Variants in CACNA1E observed in about 807,000 individuals in gnomAD.
CACNA1E encodes voltage-dependent R-type calcium channel subunit alpha-1E.
In CACNA1E, 40 loss-of-function variants were observed where a neutral mutation model predicts 259.2. The observed-to-expected ratio is 0.15, with a 90% confidence interval of 0.12 to 0.20. CACNA1E has a LOEUF of 0.20. Among genes scored for constraint, CACNA1E ranks in the 10% least tolerant of loss-of-function variants. The pLI, the probability that CACNA1E is intolerant of heterozygous loss-of-function variation, is 1.00. For missense variants in CACNA1E, 1,874 were observed against 3,040.1 expected, an observed-to-expected ratio of 0.62 and a Z score of 9.02; for synonymous variants, 1,104 against 1,138.5, an observed-to-expected ratio of 0.97 and a Z score of 0.61.
intron 1 of CACNA1E, among the ~76,000 whole-genome samples, chr1:181,503,437 G>A (rs1379998058): frequency 1.3e-5 from 2 of 152,214 alleles, no homozygotes; most frequent in Non-Finnish European, 2.9e-5. Context: ...GGGGACTGGT[G>A]TTTGGATGCG....
At chr1:181,499,289 A>T (rs1181239603) in intron 1 of CACNA1E, among the ~76,000 whole-genome samples, 2 of 152,152 alleles carry the variant, frequency 1.3e-5, no homozygotes, top group African/African-American at 2.4e-5. Flanking sequence ...ACAATTGAGT[A>T]CTCCTGGGAA....
intron 2 of CACNA1E, among the ~76,000 whole-genome samples, chr1:181,446,808 G>A (rs1250055168): frequency 6.6e-6 from 1 of 152,062 alleles, no homozygotes; most frequent in African/African-American, 2.4e-5. Context: ...CTGGTGGCTG[G>A]TGGGGCTGTG....
intron 2 of CACNA1E, among the ~76,000 whole-genome samples, chr1:181,444,738 C>G (rs1453987370): frequency 6.6e-6 from 1 of 152,202 alleles, no homozygotes; most frequent in East Asian, 1.9e-4. Flanking sequence ...GCTGATTCAT[C>G]TGCTGATTCA....
At chr1:181,688,285 T>C (rs1650787550) in intron 7 of CACNA1E, among the ~76,000 whole-genome samples, 1 of 152,234 alleles carries the variant, frequency 6.6e-6, no homozygotes, top group African/African-American at 2.4e-5. Flanking sequence ...GTTATATGAA[T>C]TGTAAAATAC....
chr1:181,586,630 A>G (rs182006543), intron 6 of CACNA1E, among the ~76,000 whole-genome samples: 3 of 152,328 alleles, frequency 2.0e-5, no homozygotes, highest in East Asian at 3.9e-4. Context: ...TGTTTTTCCT[A>G]TCATATGATT....
At position 181,733,585 on chromosome 1, in the gene CACNA1E, G is replaced by A. The variant is rs1316464121; in HGVS notation, c.3097G>A (p.Ala1033Thr). The change falls in exon 21 of 48, where the codon GCC (alanine) becomes ACC (threonine). Residue 1033 changes from alanine (A) to threonine (T), a missense_variant. Ala to Thr is a moderately conservative substitution (Grantham distance 58). Coordinates refer to ENST00000367573, the MANE Select transcript of CACNA1E (RefSeq NM_001205293.3). ...EQEPEGSSEQ[A>T]LLGNVQLDMG... ...GGAGCCAGAAGGCAGCAGTGAGCAG[G>A]CCCTGCTGGGGAATGTGCAGCTAGA... 2 of 1,612,932 alleles carry A rather than the reference G, an allele frequency of 1.2e-6. No individual in the cohort carries two copies. Among genetic ancestry groups the A allele is most frequent in the African/African-American group, 1.3e-5 (1 of 74,904 alleles).
intron 2 of CACNA1E, among the ~76,000 whole-genome samples, chr1:181,426,225 TCTCAACCCTTC>T (rs1659186772): frequency 6.6e-6 from 1 of 151,528 alleles, no homozygotes; most frequent in Non-Finnish European, 1.5e-5. Context: ...TCCTACCCCA[TCTCAACCCTTC>T]CTCAACCCAA....
Position 181,558,817 on chromosome 1 carries a change from A to G in CACNA1E, c.513-18949A>G, listed in dbSNP as rs80192952. Among the ~76,000 whole-genome samples, 137 of 152,278 alleles carry G rather than the reference A, an allele frequency of 9.0e-4. 4 individuals are homozygous for G. In the East Asian group the frequency reaches 0.024, roughly 27 times the overall value. Reference sequence around the variant, plus strand: ...AAGAATACGGGAGGAAAGGGTAGGGAGGCAGAGAGAAACCAGTAGGTATTC... The same window carrying G: ...AAGAATACGGGAGGAAAGGGTAGGGGGGCAGAGAGAAACCAGTAGGTATTC... On this transcript the variant is annotated intron_variant, in intron 3 of 47. Coordinates refer to ENST00000367573, the MANE Select transcript of CACNA1E (RefSeq NM_001205293.3).
Position 181,732,480 on chromosome 1 carries a change from C to G in CACNA1E, c.2394C>G (p.Asn798Lys), listed in dbSNP as rs753045683. Residue 798 changes from asparagine to lysine, a missense_variant, in exon 20 of 48, where the codon AAC becomes AAG. Asn to Lys is a moderately conservative substitution (Grantham distance 94). Transcript: ENST00000367573. This position sits in a 1 kb window ranked among gnomAD's most constrained non-coding sequence, Gnocchi z 5.5. ...HMQMSSQEAL[N>K]REEAPTMNPL... ...AGATGTCCAGCCAGGAGGCCCTCAACAGAGAGGAGGCGCCGACCATGAACC... is the reference window on the plus strand; with the variant it reads ...AGATGTCCAGCCAGGAGGCCCTCAAGAGAGAGGAGGCGCCGACCATGAACC... The G allele has an allele frequency of 1.3e-6, 2 of 1,551,326 alleles. No individual in the cohort carries two copies. The highest frequency in any genetic ancestry group is 2.0e-5 in the Admixed American group (1 of 50,928).
At chr1:181,477,209 T>C (rs1014232879) in intron 2 of CACNA1E, among the ~76,000 whole-genome samples, 1 of 143,044 alleles carries the variant, frequency 7.0e-6, no homozygotes, top group Non-Finnish European at 1.5e-5. Context: ...GCTCCATGCC[T>C]CCAATAAACT....
At chr1:181,335,628 A>G (rs1346468197) in intron 1 of CACNA1E, among the ~76,000 whole-genome samples, 1 of 152,134 alleles carries the variant, frequency 6.6e-6, no homozygotes, top group African/African-American at 2.4e-5. Context: ...TGGCCCAGAA[A>G]AAGGCAGTGG....
chr1:181,587,305 G>A (rs1329564451), intron 6 of CACNA1E, among the ~76,000 whole-genome samples: 1 of 152,192 alleles, frequency 6.6e-6, no homozygotes, highest in Admixed American at 6.5e-5. Context: ...TTGGGTTGCT[G>A]GGCAGCTTTA....
intron 39 of CACNA1E, 96 bp downstream of exon 39, chr1:181,781,619 G>C: frequency 1.4e-6 from 1 of 721,526 alleles, no homozygotes; most frequent in East Asian, 2.7e-5. Context: ...CCAGGCTGGG[G>C]AGGTGGAGGA....
intron 47 of CACNA1E, among the ~76,000 whole-genome samples, chr1:181,797,953 A>C (rs1456384527): frequency 6.6e-6 from 1 of 152,172 alleles, no homozygotes; most frequent in African/African-American, 2.4e-5. Context: ...TAGTAGTCCA[A>C]GTGCTTGTTC....
At chr1:181,563,721 C>T (rs1213438716) in intron 3 of CACNA1E, among the ~76,000 whole-genome samples, 1 of 152,154 alleles carries the variant, frequency 6.6e-6, no homozygotes, top group Non-Finnish European at 1.5e-5. Flanking sequence ...TGCACACTCT[C>T]CAATTGGTAT....
intron 2 of CACNA1E, among the ~76,000 whole-genome samples, chr1:181,458,999 A>G (rs546889317): frequency 1.3e-5 from 2 of 152,370 alleles, no homozygotes; most frequent in East Asian, 3.9e-4. Context: ...AGGAGCTTAC[A>G]TTCATCTGAG....
At chr1:181,432,394 T>A (rs1659779879) in intron 2 of CACNA1E, among the ~76,000 whole-genome samples, 1 of 152,158 alleles carries the variant, frequency 6.6e-6, no homozygotes, top group Non-Finnish European at 1.5e-5. Context: ...TTTTCATTCA[T>A]GTATCGTTTC....
intron 6 of CACNA1E, among the ~76,000 whole-genome samples, chr1:181,619,973 A>G (rs773884218): frequency 2.3e-4 from 35 of 152,196 alleles, no homozygotes; most frequent in Non-Finnish European, 3.5e-4. Flanking sequence ...TTTTGTAGGC[A>G]GGTAGAAAAA....
chr1:181,418,215 C>A (rs898900743), intron 2 of CACNA1E, among the ~76,000 whole-genome samples: 1 of 152,168 alleles, frequency 6.6e-6, no homozygotes, highest in African/African-American at 2.4e-5. Context: ...CCAGACTGAT[C>A]TCAAACTCTT....
Sources: gnomAD v4.1 joint callset for allele counts (sites outside exome capture counted in the v4.1 genomes callset) on GRCh38, gnomAD v4.1.1 for gene constraint, Gnocchi (gnomAD v3.1) non-coding constraint, MANE v1.5 for transcripts, NCBI Gene and HGNC (gene_info 2026-07-23, HGNC 2026-07-21) for gene names.